BCAT1: variants seen among roughly 807,000 people sequenced by gnomAD.
BCAT1 encodes the protein branched-chain-amino-acid aminotransferase, cytosolic.
In BCAT1, 48 loss-of-function variants were observed where a neutral mutation model predicts 52.4. That is an observed-to-expected ratio of 0.92 (90% CI 0.73 to 1.16). The LOEUF is 1.16. BCAT1 is among the 50% of genes most tolerant of loss of function. The pLI, the probability that BCAT1 is intolerant of heterozygous loss-of-function variation, is 0.00. For synonymous variants in BCAT1, 167 were observed against 161.3 expected, an observed-to-expected ratio of 1.04 and a Z score of -0.27; for missense variants, 451 against 457.1, an observed-to-expected ratio of 0.99 and a Z score of 0.12.
At chr12:24,909,609 G>C (rs532815903) in intron 1 of BCAT1, among the ~76,000 whole-genome samples, 1 of 152,114 alleles carries the variant, frequency 6.6e-6, no homozygotes, top group Non-Finnish European at 1.5e-5. Flanking sequence ...TCTAGCTTCT[G>C]GTAACCCAGG....
intron 5 of BCAT1, among the ~76,000 whole-genome samples, chr12:24,871,505 A>G (rs774290847): frequency 1.3e-5 from 2 of 152,234 alleles, no homozygotes; most frequent in Non-Finnish European, 2.9e-5. Flanking sequence ...TTAAAATTAC[A>G]TGTATAAAAA....
At chr12:24,886,832 TAA>T (rs1216608757) in intron 3 of BCAT1, among the ~76,000 whole-genome samples, 33 of 121,522 alleles carry the variant, frequency 2.7e-4, no homozygotes, top group Admixed American at 3.4e-4. Context: ...CCCTGTCTCT[TAA>T]AAAAAAAAAA....
rs1194118065 is a variant in BCAT1 at position 24,814,887 on chromosome 12, A to G, written c.*3121T>C. The G allele has an allele frequency of 6.7e-6, 1 of 149,164 alleles. No individual in the cohort carries two copies. The highest frequency in any genetic ancestry group is 6.8e-5 in the Admixed American group (1 of 14,786). 9.2% of individuals were successfully genotyped at this position (149,164 alleles called of 1,614,324 possible). On this transcript the variant is annotated 3_prime_UTR_variant, in exon 11 of 11. Coordinates refer to ENST00000261192, the MANE Select transcript of BCAT1 (RefSeq NM_005504.7). ...AGAGAATGTTTACCAGGTAGAAAAA[A>G]CCTGATTCCTTAACAAGACTTCTCA...
In BCAT1 at chr12:24,812,055, A is replaced by C. The variant is rs769792177; in HGVS notation, c.*5953T>G. 2 of 152,100 alleles carry C rather than the reference A, an allele frequency of 1.3e-5. No individual in the cohort carries two copies. Among genetic ancestry groups the C allele is most frequent in the Admixed American group, 1.3e-4 (2 of 15,266 alleles). The allele number at this position is 152,100 out of a possible 1,614,324, so 9.4% of individuals were successfully genotyped here. ...CAGGAAACATTTGCAGAATTTAGAA[A>C]TGCATCCAGATTTGTGAGTTTATTT... On this transcript the variant is annotated 3_prime_UTR_variant, in exon 11 of 11. Coordinates refer to ENST00000261192, the MANE Select transcript of BCAT1 (RefSeq NM_005504.7).
At chr12:24,948,768 C>A (rs964927503) in intron 1 of BCAT1, among the ~76,000 whole-genome samples, 159 bp downstream of exon 1, 1 of 152,224 alleles carries the variant, frequency 6.6e-6, no homozygotes. Flanking sequence ...TCCCCGCAAA[C>A]TACGATTGAT....
At chr12:24,924,101 T>C (rs1443885456) in intron 1 of BCAT1, among the ~76,000 whole-genome samples, 3 of 152,136 alleles carry the variant, frequency 2.0e-5, no homozygotes, top group Admixed American at 1.3e-4. Context: ...TCCCTTTTTT[T>C]CCCCTCAGCT....
At chr12:24,860,568 T>C (rs954150443) in intron 5 of BCAT1, among the ~76,000 whole-genome samples, 4 of 152,238 alleles carry the variant, frequency 2.6e-5, no homozygotes, top group African/African-American at 9.6e-5. Context: ...AAATCTGTTT[T>C]CCTTTGTAAC....
At chr12:24,849,235 G>A (rs577396497) in intron 6 of BCAT1, among the ~76,000 whole-genome samples, 1 of 152,320 alleles carries the variant, frequency 6.6e-6, no homozygotes, top group East Asian at 1.9e-4. Flanking sequence ...AGCTACATAT[G>A]GCCTATGAGA....
rs957281607 is a variant in BCAT1 at position 24,812,924 on chromosome 12, A to T, written c.*5084T>A. ...CATAAACTGAACATCATGCAACTCA[A>T]GTTATACGTCTTGTTGATTGGGTCT... On this transcript the variant is annotated 3_prime_UTR_variant, in exon 11 of 11. Coordinates refer to ENST00000261192, the MANE Select transcript of BCAT1 (RefSeq NM_005504.7). 1.3e-5 allele frequency: 2 copies of T among 151,998 alleles called. No individual in the cohort carries two copies. The highest frequency in any genetic ancestry group is 2.9e-5 in the Non-Finnish European group (2 of 67,908). The allele number at this position is 151,998 out of a possible 1,614,324, so 9.4% of individuals were successfully genotyped here. A position where few individuals can be genotyped will look rare whatever the true frequency, so the allele number is the denominator to read the frequency against.
chr12:24,892,004 G>T (rs764401512), intron 3 of BCAT1, among the ~76,000 whole-genome samples: 2 of 151,432 alleles, frequency 1.3e-5, no homozygotes, highest in African/African-American at 2.4e-5. Flanking sequence ...TGATCCGCCC[G>T]CCTTGGCCTC....
intron 8 of BCAT1, 139 bp from the exon 9 acceptor site, chr12:24,833,002 G>T: frequency 1.1e-6 from 1 of 904,552 alleles, no homozygotes. Flanking sequence ...AGCTGGAAGT[G>T]GCACACCATC....
At chr12:24,947,966 A>G (rs1166374555) in intron 1 of BCAT1, among the ~76,000 whole-genome samples, 1 of 152,246 alleles carries the variant, frequency 6.6e-6, no homozygotes, top group East Asian at 1.9e-4. Flanking sequence ...TTGTTTGGCA[A>G]CAAAGGCGCT....
At chr12:24,849,522 TCCAGTGTTTCTC>T (rs959894978) in intron 6 of BCAT1, among the ~76,000 whole-genome samples, 1 of 152,236 alleles carries the variant, frequency 6.6e-6, no homozygotes, top group Non-Finnish European at 1.5e-5. Context: ...AGATATCATA[TCCAGTGTTTCTC>T]CCTTACAAAG....
intron 5 of BCAT1, among the ~76,000 whole-genome samples, chr12:24,859,402 C>T (rs990491072): frequency 2.2e-4 from 34 of 152,068 alleles, no homozygotes; most frequent in African/African-American, 7.7e-4. Flanking sequence ...GGGTGGATCA[C>T]GAGGTCAGAA....
At chr12:24,909,671 G>A (rs1943284261) in intron 1 of BCAT1, among the ~76,000 whole-genome samples, 1 of 152,168 alleles carries the variant, frequency 6.6e-6, no homozygotes, top group South Asian at 2.1e-4. Context: ...CTGTTGCATT[G>A]TGTTTTCCCT....
chr12:24,867,277 G>C (rs1336111183), intron 5 of BCAT1, among the ~76,000 whole-genome samples: 1 of 151,452 alleles, frequency 6.6e-6, no homozygotes, highest in East Asian at 1.9e-4. Context: ...CTTGAAGTCA[G>C]TGAGACCAAG....
At chr12:24,872,346 C>T (rs1352309814) in intron 5 of BCAT1, among the ~76,000 whole-genome samples, 3 of 152,198 alleles carry the variant, frequency 2.0e-5, no homozygotes, top group African/African-American at 7.2e-5. Flanking sequence ...CATCTCCAGC[C>T]TTTCTTCTGC....
chr12:24,907,792 G>A (rs921484825), intron 1 of BCAT1, among the ~76,000 whole-genome samples: 2 of 151,974 alleles, frequency 1.3e-5, no homozygotes, highest in Admixed American at 6.6e-5. Flanking sequence ...CTACTCCACC[G>A]CCTATCCCAA....
At chr12:24,912,526 G>A (rs1003580669) in intron 1 of BCAT1, among the ~76,000 whole-genome samples, 2 of 151,892 alleles carry the variant, frequency 1.3e-5, no homozygotes, top group Non-Finnish European at 2.9e-5. Flanking sequence ...TCTCAGAGAA[G>A]AGAAATGGTT....
Sources: allele counts gnomAD v4.1 joint callset (sites outside exome capture counted in the v4.1 genomes callset), GRCh38; gene constraint gnomAD v4.1.1; transcripts MANE v1.5; gene names NCBI Gene and HGNC (gene_info 2026-07-23, HGNC 2026-07-21).